The following CXorf38 variants were observed in gnomAD, a reference collection of about 807,000 sequenced individuals.
CXorf38 encodes the protein uncharacterized protein CXorf38.
CXorf38 carries 13 observed loss-of-function variants against 27.5 expected under a neutral mutation model. The ratio of observed to expected loss-of-function variants is 0.47; its 90% CI spans 0.31 to 0.75. CXorf38 has a LOEUF of 0.75. Ranked by LOEUF, CXorf38 falls within the 30% of genes least tolerant of loss-of-function variation. The pLI, the probability that CXorf38 is intolerant of heterozygous loss-of-function variation, is 0.05. For missense variants in CXorf38, 240 were observed against 253.2 expected (o/e 0.95, Z 0.35); for synonymous variants, 100 against 99.8 (o/e 1.00, Z -0.01).
In CXorf38 at chrX:40,647,556, G is replaced by A. The variant is rs1364147447; in HGVS notation, c.-36C>T. Reference sequence around the variant, plus strand: ...TGGAACCAGGAGGTTGCGGGGCGTGGCGGACGGCAGTGCGCAGGCGCGGAG... The same window carrying A: ...TGGAACCAGGAGGTTGCGGGGCGTGACGGACGGCAGTGCGCAGGCGCGGAG... On this transcript the variant is annotated 5_prime_UTR_variant, in exon 1 of 7. Transcript: ENST00000327877. The A allele has an allele frequency of 1.9e-5, 22 of 1,167,766 alleles. No homozygotes were observed. In the East Asian group the frequency reaches 2.7e-4, roughly 14 times the overall value.
At chrX:40,638,941 T>C in intron 3 of CXorf38, 68 bp downstream of exon 3, 1 of 1,158,441 alleles carries the variant, frequency 8.6e-7, no homozygotes, top group Non-Finnish European at 1.2e-6. Context: ...CAGGTGTAGC[T>C]CATGACTGGC....
At chrX:40,631,788 G>A (rs902912661) in intron 5 of CXorf38, among the ~76,000 whole-genome samples, 2 of 112,011 alleles carry the variant, frequency 1.8e-5, no homozygotes, top group Non-Finnish European at 3.8e-5. Context: ...TCACGTTATC[G>A]TGAAGTAAGC....
At chrX:40,646,297 C>T (rs1474504126) in intron 2 of CXorf38, among the ~76,000 whole-genome samples, 1 of 108,328 alleles carries the variant, frequency 9.2e-6, no homozygotes, top group Non-Finnish European at 1.9e-5. Context: ...TGTCACACCA[C>T]GGCAGCTGAT....
chrX:40,629,417 C>G lies in CXorf38; in HGVS notation c.*747G>C, dbSNP rs983238947. ...TCTTTCCTATCCCAACATTTATATC[C>G]CAGCCCAGCCTTGGGGATCCTGGGT... On this transcript the variant is annotated 3_prime_UTR_variant, in exon 7 of 7. Transcript: ENST00000327877. 4 of 111,973 alleles carry G rather than the reference C, an allele frequency of 3.6e-5. No individual in the cohort carries two copies. Among genetic ancestry groups the G allele is most frequent in the African/African-American group, 1.3e-4 (4 of 30,804 alleles). The allele number at this position is 111,973 out of a possible 1,213,427, so 9.2% of individuals were successfully genotyped here.
rs56725827 is a variant in CXorf38, at chrX:40,631,254, T to TACAC, written c.802-485_802-482dup. ...ATATATGTGTGTATGTATATATATA[T>TACAC]ACACACACACACACACACACACACA... On this transcript the variant is annotated intron_variant, in intron 5 of 6. Coordinates refer to ENST00000327877, the MANE Select transcript of CXorf38 (RefSeq NM_144970.3). 5.6e-3 allele frequency among the ~76,000 whole-genome samples: 499 copies of TACAC among 88,933 alleles called. 7 individuals are homozygous for TACAC. Among genetic ancestry groups the TACAC allele is most frequent in the African/African-American group, 0.019 (451 of 23,546 alleles). 77.2% of individuals were successfully genotyped at this position (88,933 alleles called of 115,157 possible). A position where few individuals can be genotyped will look rare whatever the true frequency, so the allele number is the denominator to read the frequency against.
chrX:40,643,199 A>G (rs1015563327), intron 2 of CXorf38, among the ~76,000 whole-genome samples: 2 of 111,698 alleles, frequency 1.8e-5, no homozygotes, highest in African/African-American at 6.5e-5. Context: ...AAGTGCTGTG[A>G]TAACAGGCAT....
At chrX:40,640,355 A>C (rs1481892538) in intron 2 of CXorf38, 1 of 233,418 alleles carries the variant, frequency 4.3e-6, no homozygotes, top group Admixed American at 5.9e-5. Context: ...AAAAAACAAC[A>C]AAAAAAACCT....
intron 5 of CXorf38, among the ~76,000 whole-genome samples, chrX:40,633,839 A>AT (rs1048648011): frequency 5.5e-5 from 6 of 110,011 alleles, no homozygotes; most frequent in South Asian, 3.8e-4. Context: ...CTTTAGTTGG[A>AT]TTTTTTTTTA....
intron 2 of CXorf38, 85 bp from the exon 3 acceptor site, chrX:40,639,213 A>G (rs1366998192): frequency 9.8e-7 from 1 of 1,016,425 alleles, no homozygotes; most frequent in Non-Finnish European, 1.3e-6. Flanking sequence ...CTATTTTCCA[A>G]ATGATGACTG....
intron 5 of CXorf38, among the ~76,000 whole-genome samples, chrX:40,631,503 G>T (rs1410618595): frequency 2.7e-5 from 3 of 110,504 alleles, no homozygotes; most frequent in South Asian, 7.7e-4. Context: ...ACGGGGTTTT[G>T]CCATGTTGGC....
chrX:40,640,931 C>T (rs1278634160), intron 2 of CXorf38, among the ~76,000 whole-genome samples: 1 of 68,297 alleles, frequency 1.5e-5, no homozygotes, highest in Non-Finnish European at 2.7e-5. Flanking sequence ...CAGAGTGAGA[C>T]TCTGTCTCAA....
chrX:40,637,255 T>C, intron 3 of CXorf38, 99 bp from the exon 4 acceptor site: 1 of 618,757 alleles, frequency 1.6e-6, no homozygotes, highest in Non-Finnish European at 2.4e-6. Flanking sequence ...GCTTTGTTAA[T>C]TATAAAATCA....
Position 40,636,704 on chromosome X carries a change from C to A in CXorf38, c.630G>T (p.Thr210=). ...AVYSRIEQLL[T]SDWAVHIPEE... ...CGGGGATGTGAACAGCCCAGTCAGACGTCAACAGCTGAGGGATTGCCACAC... is the reference window on the plus strand; with the variant it reads ...CGGGGATGTGAACAGCCCAGTCAGAAGTCAACAGCTGAGGGATTGCCACAC... The change falls in exon 5 of 7, where the codon ACG becomes ACT. Residue 210 remains threonine, a synonymous_variant. Coordinates refer to ENST00000327877, the MANE Select transcript of CXorf38 (RefSeq NM_144970.3). The A allele has an allele frequency of 8.3e-7, 1 of 1,198,804 alleles. No homozygotes were observed. The highest frequency in any genetic ancestry group is 1.1e-6 in the Non-Finnish European group (1 of 887,964).
chrX:40,630,675 A>G lies in CXorf38; in HGVS notation c.900T>C (p.Cys300=), dbSNP rs1428186184. 7 of 1,210,272 alleles carry G rather than the reference A, an allele frequency of 5.8e-6. 1 individual carries two copies. In the South Asian group the frequency reaches 1.2e-4, roughly 21 times the overall value. Residue 300 remains cysteine, a synonymous_variant, in exon 6 of 7, where the codon TGT becomes TGC. Coordinates refer to ENST00000327877, the MANE Select transcript of CXorf38 (RefSeq NM_144970.3). ...CCTGTGAATCCAGTTTTTGATGTAGACAGAGGCTGTCTAGCTTCTGCATAT... is the reference window on the plus strand; with the variant it reads ...CCTGTGAATCCAGTTTTTGATGTAGGCAGAGGCTGTCTAGCTTCTGCATAT... The part of the protein sequence containing the change: ...TEDMQKLDSL[C]LHQKLDSQEP...
At chrX:40,632,939 G>A (rs2146569035) in intron 5 of CXorf38, among the ~76,000 whole-genome samples, 1 of 112,005 alleles carries the variant, frequency 8.9e-6, no homozygotes, top group South Asian at 3.7e-4. Context: ...CCAATTTACT[G>A]ACAGTCTACT....
intron 5 of CXorf38, among the ~76,000 whole-genome samples, chrX:40,633,900 C>T (rs1927941728): frequency 9.0e-6 from 1 of 111,189 alleles, no homozygotes; most frequent in African/African-American, 3.3e-5. Context: ...ATGTGAAGGG[C>T]ACTTAGGTGG....
intron 2 of CXorf38, among the ~76,000 whole-genome samples, chrX:40,645,371 A>G (rs1011095289): frequency 5.4e-5 from 6 of 111,531 alleles, no homozygotes; most frequent in African/African-American, 2.0e-4. Context: ...AGAGGAGCAA[A>G]GAGTGGTATA....
chrX:40,643,634 G>A (rs893374935), intron 2 of CXorf38, among the ~76,000 whole-genome samples: 1 of 110,816 alleles, frequency 9.0e-6, no homozygotes, highest in African/African-American at 3.3e-5. Flanking sequence ...TCAGCCTCGC[G>A]AGTAGCTGGG....
Position 40,647,554 on chromosome X carries a change from T to G in CXorf38, c.-34A>C, listed in dbSNP as rs1164800156. ...CTTGGAACCAGGAGGTTGCGGGGCG[T>G]GGCGGACGGCAGTGCGCAGGCGCGG... On this transcript the variant is annotated 5_prime_UTR_variant, in exon 1 of 7. Transcript: ENST00000327877. 4 of 1,164,236 alleles carry G rather than the reference T, an allele frequency of 3.4e-6. No individual in the cohort carries two copies. Among genetic ancestry groups the G allele is most frequent in the Non-Finnish European group, 3.4e-6 (3 of 879,021 alleles).
Sources: allele counts gnomAD v4.1 joint callset (sites outside exome capture counted in the v4.1 genomes callset), GRCh38; gene constraint gnomAD v4.1.1; transcripts MANE v1.5; gene names NCBI Gene and HGNC (gene_info 2026-07-23, HGNC 2026-07-21).